RBFOX1: variants seen among roughly 807,000 people sequenced by gnomAD.
The protein encoded by RBFOX1 is RNA binding fox-1 homolog 1.
RBFOX1 carries 8 observed loss-of-function variants against 57.7 expected under a neutral mutation model. That is an observed-to-expected ratio of 0.14 (90% confidence interval 0.08 to 0.25). The LOEUF (loss-of-function observed/expected upper bound fraction) is 0.25, where lower values mean the gene tolerates loss of function less well. Ranked by LOEUF, RBFOX1 falls within the 10% of genes least tolerant of loss-of-function variation. The pLI is 1.00. For missense variants in RBFOX1, 611 were observed against 548.5 expected, an observed-to-expected ratio of 1.11 and a Z score of -1.14; for synonymous variants, 326 against 222.4, an observed-to-expected ratio of 1.47 and a Z score of -4.15.
chr16:7,194,597 C>G (rs1367311453), intron 4 of RBFOX1, among the ~76,000 whole-genome samples: 1 of 152,152 alleles, frequency 6.6e-6, no homozygotes, highest in Non-Finnish European at 1.5e-5. Flanking sequence ...TTTTCTACCC[C>G]TTTCCCAGAA....
At chr16:7,322,495 C>T (rs954170707) in intron 4 of RBFOX1, among the ~76,000 whole-genome samples, 1 of 152,248 alleles carries the variant, frequency 6.6e-6, no homozygotes, top group Non-Finnish European at 1.5e-5. Context: ...GTAGAAAGTA[C>T]AGCACATCTT....
intron 4 of RBFOX1, among the ~76,000 whole-genome samples, chr16:7,372,354 T>TAG (rs2097583125): frequency 6.6e-6 from 1 of 152,186 alleles, no homozygotes; most frequent in South Asian, 2.1e-4. Context: ...ATCAGACAAC[T>TAG]GCCTAGTCTG....
chr16:5,346,785 A>T (rs2065149887), intron 1 of RBFOX1, among the ~76,000 whole-genome samples: 1 of 152,156 alleles, frequency 6.6e-6, no homozygotes, highest in African/African-American at 2.4e-5. Context: ...GCCCAGTCCC[A>T]GCTCTGTAGT....
At chr16:5,626,821 A>G (rs942939020) in intron 3 of RBFOX1, among the ~76,000 whole-genome samples, 1 of 151,676 alleles carries the variant, frequency 6.6e-6, no homozygotes, top group African/African-American at 2.4e-5. Flanking sequence ...TGCCCTTCTG[A>G]GCACATTTGA....
chr16:7,596,112 G>T (rs1602861079), intron 8 of RBFOX1, among the ~76,000 whole-genome samples: 4 of 92,746 alleles, frequency 4.3e-5, no homozygotes, highest in South Asian at 3.8e-4. Flanking sequence ...TTGTTTGTTT[G>T]TTTGTTTTTT....
At chr16:5,445,299 T>C (rs969865529) in intron 1 of RBFOX1, among the ~76,000 whole-genome samples, 2 of 152,112 alleles carry the variant, frequency 1.3e-5, no homozygotes, top group African/African-American at 4.8e-5. Flanking sequence ...CTTTCTGACT[T>C]TTCCTCCTCA....
chr16:7,453,646 T>C (rs2057862365), intron 4 of RBFOX1, among the ~76,000 whole-genome samples: 1 of 151,882 alleles, frequency 6.6e-6, no homozygotes, highest in African/African-American at 2.4e-5. Flanking sequence ...ATAGAGGATG[T>C]GTAAAACATC....
intron 4 of RBFOX1, among the ~76,000 whole-genome samples, chr16:7,240,404 C>T (rs557323597): frequency 1.3e-5 from 2 of 152,156 alleles, no homozygotes; most frequent in South Asian, 2.1e-4. Context: ...TCATCTGAAG[C>T]CCTTACAGTT....
rs548123054 is a variant in RBFOX1, at chr16:5,490,425, G to A, written c.258+23171G>A. Among the ~76,000 whole-genome samples, 5 of 152,366 alleles carry A rather than the reference G, an allele frequency of 3.3e-5. No homozygotes were observed. In the East Asian group the frequency reaches 9.6e-4, roughly 29 times the overall value. Reference sequence around the variant, plus strand: ...ACCCAGGTTCCTCCTATTCATAGCTGCAACTTGACCTTCTGTAGGTGCTCG... The same window carrying A: ...ACCCAGGTTCCTCCTATTCATAGCTACAACTTGACCTTCTGTAGGTGCTCG... On this transcript the variant is annotated intron_variant, in intron 2 of 2. Transcript: ENST00000585867.
chr16:6,815,905 G>A (rs1428737343), intron 3 of RBFOX1, among the ~76,000 whole-genome samples: 1 of 152,180 alleles, frequency 6.6e-6, no homozygotes, highest in Non-Finnish European at 1.5e-5. Flanking sequence ...TACTTCCACT[G>A]AAGGAAAGAA....
intron 4 of RBFOX1, among the ~76,000 whole-genome samples, chr16:5,989,652 T>C (rs2060352443): frequency 6.6e-6 from 1 of 151,760 alleles, no homozygotes; most frequent in Non-Finnish European, 1.5e-5. Flanking sequence ...CTCCAATCAA[T>C]AAAGGGCGGT....
chr16:7,199,332 T>TC (rs2087670024), intron 4 of RBFOX1, among the ~76,000 whole-genome samples: 1 of 151,970 alleles, frequency 6.6e-6, no homozygotes, highest in Admixed American at 6.6e-5. Flanking sequence ...AAAGGGTTTT[T>TC]TTTCTGTTTT....
At chr16:5,654,133 T>G (rs2049342284) in intron 3 of RBFOX1, among the ~76,000 whole-genome samples, 1 of 152,338 alleles carries the variant, frequency 6.6e-6, no homozygotes, top group Admixed American at 6.5e-5. Context: ...AGCATGCACC[T>G]GCTGTGTCAG....
chr16:5,279,777 C>T (rs1197810629), intron 1 of RBFOX1, among the ~76,000 whole-genome samples: 1 of 152,204 alleles, frequency 6.6e-6, no homozygotes, highest in Non-Finnish European at 1.5e-5. Context: ...GCTGGGATTA[C>T]AGGCATGAGC....
intron 10 of RBFOX1, among the ~76,000 whole-genome samples, chr16:7,622,688 C>G (rs1026537439): frequency 6.6e-6 from 1 of 152,054 alleles, no homozygotes; most frequent in African/African-American, 2.4e-5. Flanking sequence ...ATTATTTACA[C>G]TATAGACAGA....
intron 3 of RBFOX1, among the ~76,000 whole-genome samples, chr16:5,856,575 GTA>G (rs375112636): frequency 0.05 from 1,657 of 32,868 alleles, 109 homozygotes; most frequent in East Asian, 0.15. Flanking sequence ...GTGTGTGTGT[GTA>G]TATATATATA....
intron 3 of RBFOX1, among the ~76,000 whole-genome samples, chr16:7,018,042 A>T (rs796361309): frequency 6.6e-6 from 1 of 152,104 alleles, no homozygotes; most frequent in Non-Finnish European, 1.5e-5. Context: ...TTCACGTTTG[A>T]AAACAGGCGT....
chr16:6,411,984 T>C (rs547581132), intron 2 of RBFOX1, among the ~76,000 whole-genome samples: 10 of 151,934 alleles, frequency 6.6e-5, no homozygotes, highest in Non-Finnish European at 1.3e-4. Flanking sequence ...ATACAAAAAT[T>C]AGCTGGGTGT....
At chr16:6,644,663 T>G (rs1015365499) in intron 2 of RBFOX1, among the ~76,000 whole-genome samples, 2 of 152,210 alleles carry the variant, frequency 1.3e-5, no homozygotes, top group Admixed American at 1.3e-4. Flanking sequence ...CCTGGTCTTT[T>G]CTTTCCATTG....
Sources: gnomAD v4.1 joint callset for allele counts (sites outside exome capture counted in the v4.1 genomes callset) on GRCh38, gnomAD v4.1.1 for gene constraint, MANE v1.5 for transcripts, NCBI Gene and HGNC (gene_info 2026-07-23, HGNC 2026-07-21) for gene names.